FHIT: variants seen among roughly 807,000 people sequenced by gnomAD.
FHIT encodes fragile histidine triad diadenosine triphosphatase.
FHIT carries 19 observed loss-of-function variants against 17.9 expected under a neutral mutation model. The observed-to-expected ratio is 1.06, with a 90% CI of 0.74 to 1.56. FHIT has a LOEUF of 1.56. Among genes scored for constraint, FHIT ranks in the 40% most tolerant of loss-of-function variants. The probability of loss-of-function intolerance (pLI) is 0.00; values close to 1 mark genes in which losing one functional copy is unlikely to be tolerated. For missense variants in FHIT, 248 were observed against 189.2 expected (o/e 1.31, Z -1.82); for synonymous variants, 81 against 69.7 (o/e 1.16, Z -0.81).
At chr3:60,301,950 T>C (rs1414481832) in intron 5 of FHIT, among the ~76,000 whole-genome samples, 1 of 152,068 alleles carries the variant, frequency 6.6e-6, no homozygotes, top group Non-Finnish European at 1.5e-5. Flanking sequence ...AGAGTAACCT[T>C]ATAAAAGGAA....
chr3:61,213,558 G>C (rs958423866), intron 1 of FHIT, among the ~76,000 whole-genome samples: 2 of 152,198 alleles, frequency 1.3e-5, no homozygotes, highest in Non-Finnish European at 2.9e-5. Flanking sequence ...ATAAGAATGG[G>C]AGACTTTAAC....
At chr3:61,045,175 G>C (rs756795066) in intron 2 of FHIT, among the ~76,000 whole-genome samples, 2 of 152,160 alleles carry the variant, frequency 1.3e-5, no homozygotes, top group Non-Finnish European at 2.9e-5. Context: ...CCAATTAAAA[G>C]ACACAGACTG....
intron 5 of FHIT, among the ~76,000 whole-genome samples, chr3:60,397,290 G>T (rs1005672320): frequency 2.0e-5 from 3 of 152,148 alleles, no homozygotes; most frequent in Non-Finnish European, 4.4e-5. Context: ...GGAGATTACT[G>T]GGGGAGGAAA....
intron 2 of FHIT, among the ~76,000 whole-genome samples, chr3:61,118,260 A>G (rs774631804): frequency 3.3e-5 from 5 of 152,210 alleles, no homozygotes; most frequent in Non-Finnish European, 5.9e-5. Flanking sequence ...GTCTCAACTT[A>G]ATGCCAGGTA....
chr3:60,772,348 A>C (rs1197615556), intron 4 of FHIT, among the ~76,000 whole-genome samples: 1 of 93,230 alleles, frequency 1.1e-5, no homozygotes, highest in Non-Finnish European at 2.4e-5. Context: ...ATATATATAT[A>C]TATATATTTG....
intron 3 of FHIT, among the ~76,000 whole-genome samples, chr3:60,928,073 G>A (rs1378618637): frequency 6.6e-6 from 1 of 152,168 alleles, no homozygotes; most frequent in African/African-American, 2.4e-5. Context: ...TAAGGGAAGT[G>A]CAAGATGTGC....
chr3:60,464,231 G>T (rs1400812640), intron 5 of FHIT, among the ~76,000 whole-genome samples: 1 of 151,968 alleles, frequency 6.6e-6, no homozygotes, highest in Admixed American at 6.6e-5. Context: ...AAATTGTTGT[G>T]GGTACATATA....
At chr3:60,927,723 T>C (rs1411860984) in intron 3 of FHIT, among the ~76,000 whole-genome samples, 1 of 147,048 alleles carries the variant, frequency 6.8e-6, no homozygotes, top group Admixed American at 6.7e-5. Flanking sequence ...GCCCCGTCTG[T>C]GAGGTGGGCG....
chr3:60,469,555 CTG>C (rs1179269033), intron 5 of FHIT, among the ~76,000 whole-genome samples: 6 of 152,292 alleles, frequency 3.9e-5, no homozygotes, highest in Non-Finnish European at 8.8e-5. Context: ...AACTCCTTCT[CTG>C]TGTTATCTTG....
In FHIT at chr3:60,063,500, A is replaced by T. The variant is rs556971357; in HGVS notation, c.104-49348T>A. 5.9e-5 allele frequency among the ~76,000 whole-genome samples: 9 copies of T among 152,322 alleles called. No individual in the cohort carries two copies. In the South Asian group the frequency reaches 1.7e-3, roughly 28 times the overall value. Reference sequence around the variant, plus strand: ...CATCTGCCTTCCCTCCCTTAATAAAAGCAGAGGCCCAGAGTGACTGCCAAA... The same window carrying T: ...CATCTGCCTTCCCTCCCTTAATAAATGCAGAGGCCCAGAGTGACTGCCAAA... On this transcript the variant is annotated intron_variant, in intron 5 of 9. Transcript: ENST00000492590.
intron 5 of FHIT, among the ~76,000 whole-genome samples, chr3:60,486,575 C>G (rs904079795): frequency 3.3e-5 from 5 of 152,054 alleles, no homozygotes; most frequent in Admixed American, 6.6e-5. Flanking sequence ...TCACTGATAG[C>G]TAAAGATCTA....
chr3:60,694,753 T>C (rs1383929686), intron 4 of FHIT, among the ~76,000 whole-genome samples: 6 of 152,186 alleles, frequency 3.9e-5, no homozygotes, highest in African/African-American at 1.2e-4. Flanking sequence ...GATGACTTCA[T>C]GTCCTTTGTA....
At chr3:59,885,359 T>C (rs1231929342) in intron 8 of FHIT, among the ~76,000 whole-genome samples, 1 of 151,770 alleles carries the variant, frequency 6.6e-6, no homozygotes, top group Non-Finnish European at 1.5e-5. Flanking sequence ...GAAGATAGTC[T>C]GAAGGATACA....
chr3:60,149,040 G>A (rs1323086413), intron 5 of FHIT, among the ~76,000 whole-genome samples: 1 of 152,100 alleles, frequency 6.6e-6, no homozygotes, highest in South Asian at 2.1e-4. Context: ...CATAGTTGTT[G>A]ACATGCCAGG....
chr3:59,825,724 T>A (rs991800910), intron 8 of FHIT, among the ~76,000 whole-genome samples: 24 of 152,308 alleles, frequency 1.6e-4, no homozygotes, highest in African/African-American at 5.1e-4. Flanking sequence ...CACAGGTGTC[T>A]TGGGTGGAGA....
intron 4 of FHIT, among the ~76,000 whole-genome samples, chr3:60,627,237 A>G (rs1196429918): frequency 2.6e-5 from 4 of 152,188 alleles, no homozygotes; most frequent in Non-Finnish European, 4.4e-5. Flanking sequence ...TGAAAAACTG[A>G]TATTAATTTT....
chr3:60,978,353 A>T (rs1350157657), intron 3 of FHIT, among the ~76,000 whole-genome samples: 2 of 152,208 alleles, frequency 1.3e-5, no homozygotes, highest in Non-Finnish European at 2.9e-5. Context: ...GTTTCCGATT[A>T]TGGGGTGGAG....
intron 5 of FHIT, among the ~76,000 whole-genome samples, chr3:60,388,332 G>A (rs770690486): frequency 2.6e-5 from 4 of 152,188 alleles, no homozygotes; most frequent in Non-Finnish European, 4.4e-5. Context: ...AGGCATGGTG[G>A]CTCATGCCCA....
intron 5 of FHIT, among the ~76,000 whole-genome samples, chr3:60,151,657 T>G (rs544800074): frequency 1.3e-5 from 2 of 152,162 alleles, no homozygotes; most frequent in African/African-American, 2.4e-5. Context: ...CCCACTGTCT[T>G]TCTTGCTGTT....
Sources: allele counts gnomAD v4.1 joint callset (sites outside exome capture counted in the v4.1 genomes callset), GRCh38; gene constraint gnomAD v4.1.1; transcripts MANE v1.5; gene names NCBI Gene and HGNC (gene_info 2026-07-23, HGNC 2026-07-21).